The following FXYD2 variants were observed in gnomAD, a reference collection of about 807,000 sequenced individuals.
The protein encoded by FXYD2 is FXYD domain containing ion transport regulator 2.
FXYD2 carries 8 observed loss-of-function variants against 11.8 expected under a neutral mutation model. That is an observed-to-expected ratio of 0.68 (90% CI 0.40 to 1.22). The LOEUF is 1.22. FXYD2 is among the 50% of genes most tolerant of loss of function. FXYD2 has a pLI of 0.01. For missense variants in FXYD2, 92 were observed against 91.8 expected (o/e 1.00, Z -0.01); for synonymous variants, 42 against 33.3 (o/e 1.26, Z -0.90).
At chr11:117,820,950 T>G in intron 3 of FXYD2, 55 bp from the exon 4 acceptor site, 1 of 1,613,888 alleles carries the variant, frequency 6.2e-7, no homozygotes. Context: ...AAGGAGACCC[T>G]GGAAGACTCA....
At chr11:117,820,585 G>A (rs2055874400) in intron 5 of FXYD2, 81 bp downstream of exon 5, 2 of 1,571,386 alleles carry the variant, frequency 1.3e-6, no homozygotes, top group Admixed American at 3.4e-5. Context: ...TATTTACCGA[G>A]TCCAGGAGCC....
intron 1 of FXYD2, among the ~76,000 whole-genome samples, chr11:117,823,668 G>A (rs1443370799): frequency 6.6e-6 from 1 of 152,222 alleles, no homozygotes; most frequent in Non-Finnish European, 1.5e-5. Flanking sequence ...GGACGCTTCT[G>A]CCACAGCTAA....
chr11:117,825,982 A>G (rs1398288104), upstream of FXYD2, among the ~76,000 whole-genome samples: 15 of 152,154 alleles, frequency 9.9e-5, no homozygotes, highest in Non-Finnish European at 2.1e-4. Flanking sequence ...GTCTCAGTCA[A>G]TGACTTCACC....
rs1398462071 is a variant in FXYD2, at chr11:117,824,488, T to C, written c.25+166A>G. ...GGTTAAAGCAGGGTCCTCCTTTAAGTTGCAAATTTTCTTAGAGAGGAGGCC... is the reference window on the plus strand; with the variant it reads ...GGTTAAAGCAGGGTCCTCCTTTAAGCTGCAAATTTTCTTAGAGAGGAGGCC... On this transcript the variant is annotated intron_variant, in intron 1 of 5. Coordinates refer to ENST00000292079, the MANE Select transcript of FXYD2 (RefSeq NM_001680.5). This position sits in a 1 kb window ranked among gnomAD's most constrained non-coding sequence, Gnocchi z 4.0. The C allele has an allele frequency of 1.0e-5, 7 of 690,456 alleles. No homozygotes were observed. Among genetic ancestry groups the C allele is most frequent in the East Asian group, 2.7e-5 (1 of 36,956 alleles). 42.8% of individuals were successfully genotyped at this position (690,456 alleles called of 1,614,324 possible).
Position 117,820,704 on chromosome 11 carries a change from G to A in FXYD2, c.177-8C>T. On this transcript the variant is annotated splice_polypyrimidine_tract_variant and splice_region_variant and intron_variant, in intron 4 of 5. Coordinates refer to ENST00000292079, the MANE Select transcript of FXYD2 (RefSeq NM_001680.5). ...TCATCTTCATTGATTTGCCTGGTGG[G>A]GGAAGGAAAAGCAACAGGTGAGAGG... is the stretch of plus-strand genomic sequence containing the variant. 6.2e-7 allele frequency: 1 copy of A among 1,614,058 alleles called. No individual in the cohort carries two copies. The highest frequency in any genetic ancestry group is 1.3e-5 in the African/African-American group (1 of 75,016).
upstream of FXYD2, among the ~76,000 whole-genome samples, chr11:117,825,214 C>G (rs983373939): frequency 1.3e-5 from 2 of 152,160 alleles, no homozygotes; most frequent in East Asian, 1.9e-4. Context: ...ACTGCTCCCC[C>G]ACCACATCCC....
Position 117,822,428 on chromosome 11 carries a change from G to C in FXYD2, c.117C>G (p.Ile39Met). ...TACTGAGGAGGATGAGGAGCCCCAC[G>C]ATGAAGGCCAGTCCAGCGAAGATCA... ...GGLIFAGLAF[I>M]VGLLILLSRR... The change falls in exon 3 of 6, where the codon ATC (isoleucine) becomes ATG (methionine). Residue 39 changes from isoleucine (I) to methionine (M), a missense_variant. Ile to Met is a conservative substitution (Grantham distance 10). Transcript: ENST00000292079. This position sits in a 1 kb window ranked among gnomAD's most constrained non-coding sequence, Gnocchi z 4.7. The C allele has an allele frequency of 6.4e-7, 1 of 1,561,458 alleles. No individual in the cohort carries two copies. The highest frequency in any genetic ancestry group is 8.7e-7 in the Non-Finnish European group (1 of 1,151,936).
At position 117,822,395 on chromosome 11, in the gene FXYD2, A is replaced by C; in HGVS notation, c.139+11T>G. On this transcript the variant is annotated intron_variant, in intron 3 of 5. Coordinates refer to ENST00000292079, the MANE Select transcript of FXYD2 (RefSeq NM_001680.5). This position sits in a 1 kb window ranked among gnomAD's most constrained non-coding sequence, Gnocchi z 4.7. ...GGTCAGCACCCCTTCCCTGGAGGCC[A>C]CCCCACTTACTGAGGAGGATGAGGA... The C allele has an allele frequency of 6.4e-7, 1 of 1,554,678 alleles. No individual in the cohort carries two copies. The highest frequency in any genetic ancestry group is 8.7e-7 in the Non-Finnish European group (1 of 1,148,538).
In FXYD2 at chr11:117,822,241, C is replaced by G. The variant is rs559882574; in HGVS notation, c.139+165G>C. On this transcript the variant is annotated intron_variant, in intron 3 of 5. Transcript: ENST00000292079. The surrounding 1 kb of genome is among the most constrained non-coding windows in gnomAD (Gnocchi z 4.7). ...CAGGAACCTCACACTGTGCTCCCAG[C>G]GAGCCTGGCACCCCACCGGGCACCC... 48 of 1,509,404 alleles carry G rather than the reference C, an allele frequency of 3.2e-5. No individual in the cohort carries two copies. The African/African-American group carries it at 6.2e-4, about 19-fold the overall frequency. 93.5% of individuals were successfully genotyped at this position (1,509,404 alleles called of 1,614,324 possible). A position where few individuals can be genotyped will look rare whatever the true frequency, so the allele number is the denominator to read the frequency against.
Position 117,822,152 on chromosome 11 carries a change from C to T in FXYD2, c.139+254G>A. On this transcript the variant is annotated intron_variant, in intron 3 of 5. Coordinates refer to ENST00000292079, the MANE Select transcript of FXYD2 (RefSeq NM_001680.5). This position sits in a 1 kb window ranked among gnomAD's most constrained non-coding sequence, Gnocchi z 4.7. ...TCTGGCCCTCCGGTTACCCAGTTAC[C>T]CCGTGGGTTTGCTCTCACTTCTGCG... 1 of 1,406,972 alleles carries T rather than the reference C, an allele frequency of 7.1e-7. No individual in the cohort carries two copies. Among genetic ancestry groups the T allele is most frequent in the South Asian group, 1.5e-5 (1 of 67,084 alleles). The allele number at this position is 1,406,972 out of a possible 1,614,324, so 87.2% of individuals were successfully genotyped here.
At chr11:117,821,774 T>G in intron 3 of FXYD2, 3 of 988,598 alleles carry the variant, frequency 3.0e-6, no homozygotes, top group Non-Finnish European at 3.6e-6. Flanking sequence ...GGCCCGAGCC[T>G]TGGGGTGGGG....
At chr11:117,827,367 A>G (rs920347234), upstream of FXYD2, among the ~76,000 whole-genome samples, 2 of 152,126 alleles carry the variant, frequency 1.3e-5, no homozygotes, top group Non-Finnish European at 2.9e-5. Context: ...CTCCTGTCTC[A>G]GCCTCCTGAG....
chr11:117,827,540 T>A (rs1206889570), upstream of FXYD2, among the ~76,000 whole-genome samples: 1 of 152,212 alleles, frequency 6.6e-6, no homozygotes, highest in African/African-American at 2.4e-5. Context: ...TGAGCCACCA[T>A]GCCTGGCCAG....
chr11:117,820,364 C>T lies in FXYD2; in HGVS notation c.*15G>A. ...GCTGGCCCCAGTGCAGTGGGTGGCA[C>T]CGCCGAGGCTGAGAAGACAAAGGCA... On this transcript the variant is annotated 3_prime_UTR_variant, in exon 6 of 6. Coordinates refer to ENST00000292079, the MANE Select transcript of FXYD2 (RefSeq NM_001680.5). The T allele has an allele frequency of 2.1e-6, 1 of 478,796 alleles. No homozygotes were observed. The highest frequency in any genetic ancestry group is 3.7e-6 in the Non-Finnish European group (1 of 269,064). 29.7% of individuals were successfully genotyped at this position (478,796 alleles called of 1,614,324 possible).
upstream of FXYD2, among the ~76,000 whole-genome samples, chr11:117,826,010 C>T (rs570510225): frequency 1.3e-5 from 2 of 152,292 alleles, no homozygotes; most frequent in Admixed American, 6.5e-5. Context: ...GCCTCAGTCT[C>T]CTCATCTGTA....
At chr11:117,827,087 GATAGATAGAT>G (rs1418456965), upstream of FXYD2, among the ~76,000 whole-genome samples, 1 of 2,168 alleles carries the variant, frequency 4.6e-4, no homozygotes, top group Non-Finnish European at 2.2e-3. Context: ...TAAATAGAGA[GATAGATAGAT>G]AGATAGATAG....
intron 3 of FXYD2, 91 bp from the exon 4 acceptor site, chr11:117,820,986 C>T: frequency 1.3e-6 from 2 of 1,582,668 alleles, no homozygotes; most frequent in Non-Finnish European, 1.7e-6. Flanking sequence ...CTCCTACCTC[C>T]CTCCTGCCAG....
At chr11:117,825,053 G>A (rs1216871690), upstream of FXYD2, among the ~76,000 whole-genome samples, 1 of 152,234 alleles carries the variant, frequency 6.6e-6, no homozygotes, top group Non-Finnish European at 1.5e-5. Context: ...AGTGTACACT[G>A]TACTTGGGAG....
In FXYD2 at chr11:117,822,905, C is replaced by T. The variant is rs542360145; in HGVS notation, c.26-188G>A. 2.0e-5 allele frequency among the ~76,000 whole-genome samples: 3 copies of T among 152,238 alleles called. No individual in the cohort carries two copies. Among genetic ancestry groups the T allele is most frequent in the East Asian group, 3.9e-4 (2 of 5,166 alleles). On this transcript the variant is annotated intron_variant, in intron 1 of 5. Transcript: ENST00000292079. The surrounding 1 kb of genome is among the most constrained non-coding windows in gnomAD (Gnocchi z 4.7). Reference sequence around the variant, plus strand: ...CTTCTGCTCCAGGCGGCTTCAGACACGCTCAACTGGGGACCAAATACCGAG... The same window carrying T: ...CTTCTGCTCCAGGCGGCTTCAGACATGCTCAACTGGGGACCAAATACCGAG...
Sources: allele counts gnomAD v4.1 joint callset (sites outside exome capture counted in the v4.1 genomes callset), GRCh38; gene constraint gnomAD v4.1.1; non-coding constraint Gnocchi (gnomAD v3.1); transcripts MANE v1.5; gene names NCBI Gene and HGNC (gene_info 2026-07-23, HGNC 2026-07-21).